SMARCD1: variants seen among roughly 807,000 people sequenced by gnomAD.
SMARCD1 encodes the protein SWI/SNF-related matrix-associated actin-dependent regulator of chromatin subfamily D member 1.
In SMARCD1, 16 loss-of-function variants were observed where a neutral mutation model predicts 70.8. The ratio of observed to expected loss-of-function variants is 0.23; its 90% CI spans 0.15 to 0.34. The LOEUF (loss-of-function observed/expected upper bound fraction) is 0.34. SMARCD1 is among the 10% of genes least tolerant of loss of function. The pLI is 1.00. For missense variants in SMARCD1, 409 were observed against 655.5 expected (o/e 0.62, Z 4.11); for synonymous variants, 249 against 246.0 (o/e 1.01, Z -0.11).
chr12:50,095,726 A>C (rs1950887820), intron 10 of SMARCD1, among the ~76,000 whole-genome samples: 1 of 152,206 alleles, frequency 6.6e-6, no homozygotes, highest in Non-Finnish European at 1.5e-5. Context: ...GAAAGAGGGA[A>C]TAGGGCATGT....
chr12:50,095,620 C>T (rs1296614889), intron 10 of SMARCD1, among the ~76,000 whole-genome samples: 1 of 152,190 alleles, frequency 6.6e-6, no homozygotes, highest in African/African-American at 2.4e-5. Context: ...AGCCACCGCG[C>T]CCGGCCCCAA....
intron 11 of SMARCD1, chr12:50,098,461 T>C (rs570736445): frequency 1.9e-6 from 1 of 515,310 alleles, no homozygotes; most frequent in Admixed American, 3.4e-5. Context: ...TATGTGTCTG[T>C]CTCCATGTCT....
In SMARCD1 at chr12:50,089,919, C is replaced by G; in HGVS notation, c.807C>G (p.Gly269=). ...CCGCCACTACCCAGGAGACCGATGG[C>G]TTTCAGGTGAAGCGGCCGGGAGACG... ...HRTATTQETD[G]FQVKRPGDVN... is the part of the protein sequence containing the mutation. The change falls in exon 7 of 13, where the codon GGC becomes GGG. Residue 269 remains glycine (G), a synonymous_variant. Coordinates refer to ENST00000394963, the MANE Select transcript of SMARCD1 (RefSeq NM_003076.5). 6.2e-7 allele frequency: 1 copy of G among 1,614,172 alleles called. No homozygotes were observed.
intron 9 of SMARCD1, among the ~76,000 whole-genome samples, chr12:50,093,196 G>A (rs1044637884): frequency 2.0e-5 from 3 of 151,690 alleles, no homozygotes; most frequent in Non-Finnish European, 2.9e-5. Flanking sequence ...GAAAGGCTTC[G>A]TTTGTTTAAA....
intron 6 of SMARCD1, 106 bp from the exon 7 acceptor site, chr12:50,089,778 G>A (rs1950824553): frequency 1.3e-6 from 1 of 756,590 alleles, no homozygotes. Flanking sequence ...CTCTTCTCCA[G>A]TAGCCTCAGT....
chr12:50,095,993 C>A lies in SMARCD1; in HGVS notation c.1270-857C>A, dbSNP rs559733873. On this transcript the variant is annotated intron_variant, in intron 10 of 12. Coordinates refer to ENST00000394963, the MANE Select transcript of SMARCD1 (RefSeq NM_003076.5). ...ATGCTATTTGTATATAGAATGATCACTTGCAGGAAGGTGGATGGAGAATAA... is the reference window on the plus strand; with the variant it reads ...ATGCTATTTGTATATAGAATGATCAATTGCAGGAAGGTGGATGGAGAATAA... Among the ~76,000 whole-genome samples the A allele has an allele frequency of 2.0e-5, 3 of 152,256 alleles. No individual in the cohort carries two copies. The East Asian group carries it at 5.8e-4, about 29-fold the overall frequency.
chr12:50,092,154 T>C (rs1266348586), intron 9 of SMARCD1, among the ~76,000 whole-genome samples: 1 of 152,058 alleles, frequency 6.6e-6, no homozygotes, highest in Non-Finnish European at 1.5e-5. Context: ...TCTCTGTAGT[T>C]GGATATAGTC....
chr12:50,096,787 C>T, intron 10 of SMARCD1, 63 bp from the exon 11 acceptor site: 1 of 1,531,006 alleles, frequency 6.5e-7, no homozygotes. Context: ...TCAGGCACCA[C>T]CTGCCATTTA....
chr12:50,086,092 C>T (rs964793470), intron 1 of SMARCD1, 69 bp from the exon 2 acceptor site: 7 of 1,241,768 alleles, frequency 5.6e-6, no homozygotes, highest in Non-Finnish European at 7.6e-6. Flanking sequence ...CAGGCGTTCC[C>T]TGCTTTTCTT....
At position 50,099,134 on chromosome 12, in the gene SMARCD1, T is replaced by A; in HGVS notation, c.*134T>A. On this transcript the variant is annotated 3_prime_UTR_variant, in exon 13 of 13. Coordinates refer to ENST00000394963, the MANE Select transcript of SMARCD1 (RefSeq NM_003076.5). Reference sequence around the variant, plus strand: ...TGTTGGTTCAAGGACAACACCAGAATGAAGAGGGTCTCACAAGACACCTGT... The same window carrying A: ...TGTTGGTTCAAGGACAACACCAGAAAGAAGAGGGTCTCACAAGACACCTGT... The A allele has an allele frequency of 1.3e-6, 1 of 757,238 alleles. No individual in the cohort carries two copies. Among genetic ancestry groups the A allele is most frequent in the East Asian group, 2.6e-5 (1 of 38,832 alleles). The allele number at this position is 757,238 out of a possible 1,614,324, so 46.9% of individuals were successfully genotyped here.
rs529178626 is a variant in SMARCD1 at position 50,092,378 on chromosome 12, C to T, written c.1133+1788C>T. On this transcript the variant is annotated intron_variant, in intron 9 of 12. Coordinates refer to ENST00000394963, the MANE Select transcript of SMARCD1 (RefSeq NM_003076.5). Reference sequence around the variant, plus strand: ...AGTTGGGATTACAGGCGCATGCCACCACGCCCAGCTAATTTTTTGTATTTT... The same window carrying T: ...AGTTGGGATTACAGGCGCATGCCACTACGCCCAGCTAATTTTTTGTATTTT... Among the ~76,000 whole-genome samples, 16 of 151,492 alleles carry T rather than the reference C, an allele frequency of 1.1e-4. No homozygotes were observed. The East Asian group carries it at 3.1e-3, about 29-fold the overall frequency.
intron 9 of SMARCD1, among the ~76,000 whole-genome samples, chr12:50,091,666 A>T (rs7968718): frequency 0.033 from 4,934 of 148,794 alleles, 277 homozygotes; most frequent in African/African-American, 0.11. Flanking sequence ...AACCTCCGCC[A>T]CCTGAGTTCA....
intron 9 of SMARCD1, among the ~76,000 whole-genome samples, chr12:50,092,297 C>T (rs1207220573): frequency 1.5e-5 from 2 of 130,638 alleles, no homozygotes; most frequent in Non-Finnish European, 3.1e-5. Context: ...AATCTCGGCT[C>T]ACTGCAACCT....
At chr12:50,085,703 G>C in intron 1 of SMARCD1, 157 bp downstream of exon 1, 85 of 467,854 alleles carry the variant, frequency 1.8e-4, no homozygotes, top group Non-Finnish European at 2.4e-4. Context: ...AAGAGAGGGG[G>C]AGGCAGTTAC....
intron 5 of SMARCD1, 174 bp from the exon 6 acceptor site, chr12:50,088,347 T>C (rs781014555): frequency 1.0e-5 from 7 of 695,552 alleles, no homozygotes; most frequent in Non-Finnish European, 1.9e-5. Flanking sequence ...CTGTTGCTAC[T>C]ATGATTGGTT....
At position 50,088,547 on chromosome 12, in the gene SMARCD1, T is replaced by C; in HGVS notation, c.681T>C (p.Thr227=). 6.2e-7 allele frequency: 1 copy of C among 1,607,334 alleles called. No homozygotes were observed. Among genetic ancestry groups the C allele is most frequent in the Non-Finnish European group, 8.5e-7 (1 of 1,175,754 alleles). Residue 227 remains threonine, a synonymous_variant, in exon 6 of 13, where the codon ACT becomes ACC. Transcript: ENST00000394963. Reference sequence around the variant, plus strand: ...CAGCCTTGTCCAAATATGATGCCACTAAACAAAAGAGGAAGTTCTCTTCCT... The same window carrying C: ...CAGCCTTGTCCAAATATGATGCCACCAAACAAAAGAGGAAGTTCTCTTCCT... The part of the protein sequence containing the change: ...EDSALSKYDA[T]KQKRKFSSFF...
chr12:50,087,020 A>C, intron 4 of SMARCD1, 142 bp downstream of exon 4: 1 of 850,570 alleles, frequency 1.2e-6, no homozygotes, highest in East Asian at 2.6e-5. Context: ...CAAACTGAGA[A>C]TTACATTAGG....
chr12:50,092,146 T>A (rs1950849447), intron 9 of SMARCD1, among the ~76,000 whole-genome samples: 1 of 152,086 alleles, frequency 6.6e-6, no homozygotes, highest in Non-Finnish European at 1.5e-5. Flanking sequence ...GCAGCGTGTC[T>A]CTGTAGTTGG....
chr12:50,093,789 TTTTA>T (rs1950868669), intron 9 of SMARCD1, among the ~76,000 whole-genome samples: 2 of 151,936 alleles, frequency 1.3e-5, no homozygotes, highest in South Asian at 4.2e-4. Flanking sequence ...GCCGAATTTT[TTTTA>T]TTTTTAGAGA....
Sources: gnomAD v4.1 joint callset for allele counts (sites outside exome capture counted in the v4.1 genomes callset) on GRCh38, gnomAD v4.1.1 for gene constraint, MANE v1.5 for transcripts, NCBI Gene and HGNC (gene_info 2026-07-23, HGNC 2026-07-21) for gene names.